Variants in ITPR1 observed in about 807,000 individuals in gnomAD.
ITPR1 encodes the protein inositol 1,4,5-trisphosphate-gated calcium channel ITPR1.
Under a neutral mutation model 318.4 loss-of-function variants are expected in ITPR1, and 96 were observed. The ratio of observed to expected loss-of-function variants is 0.30; its 90% CI spans 0.26 to 0.36. The LOEUF is 0.36. Ranked by LOEUF, ITPR1 falls within the 10% of genes least tolerant of loss-of-function variation. The pLI, the probability that ITPR1 is intolerant of heterozygous loss-of-function variation, is 1.00. For synonymous variants in ITPR1, 1,312 were observed against 1,289.9 expected (o/e 1.02, Z -0.37); for missense variants, 2,440 against 3,460.2 (o/e 0.71, Z 7.40).
chr3:4,616,784 G>A (rs762512969), intron 4 of ITPR1, among the ~76,000 whole-genome samples: 9 of 152,166 alleles, frequency 5.9e-5, no homozygotes, highest in Non-Finnish European at 1.2e-4. Flanking sequence ...CTCAAGGACA[G>A]GGTGTAGCAG....
At chr3:4,703,212 C>G (rs1036401616) in intron 36 of ITPR1, among the ~76,000 whole-genome samples, 1 of 152,210 alleles carries the variant, frequency 6.6e-6, no homozygotes, top group Admixed American at 6.5e-5. Context: ...TTAGGCAATT[C>G]TTTGGCAAGT....
intron 32 of ITPR1, among the ~76,000 whole-genome samples, chr3:4,692,117 G>A (rs1197388588): frequency 6.6e-6 from 1 of 151,270 alleles, no homozygotes; most frequent in Non-Finnish European, 1.5e-5. Flanking sequence ...ACTCCAGCCT[G>A]GGCAACAGAG....
intron 45 of ITPR1, 106 bp from the exon 46 acceptor site, chr3:4,768,405 G>T (rs763289775): frequency 1.5e-6 from 2 of 1,309,440 alleles, no homozygotes; most frequent in East Asian, 2.5e-5. Flanking sequence ...AACTTTGAAC[G>T]TCTCTAGGAG....
chr3:4,727,706 C>T (rs2042618901), intron 42 of ITPR1, among the ~76,000 whole-genome samples: 1 of 152,136 alleles, frequency 6.6e-6, no homozygotes, highest in South Asian at 2.1e-4. Context: ...TCCCGAGTAG[C>T]TGGGACCATA....
At position 4,779,689 on chromosome 3, in the gene ITPR1, C is replaced by T. The variant is rs148711783; in HGVS notation, c.6387+44C>T. 1,369 of 1,369,644 alleles carry T rather than the reference C, an allele frequency of 1.0e-3. 20 individuals are homozygous for T. In the South Asian group the frequency reaches 0.014, roughly 14 times the overall value. The allele number at this position is 1,369,644 out of a possible 1,614,324, so 84.8% of individuals were successfully genotyped here. A position where few individuals can be genotyped will look rare whatever the true frequency, so the allele number is the denominator to read the frequency against. On this transcript the variant is annotated intron_variant, in intron 49 of 61. Transcript: ENST00000649015. The surrounding 1 kb of genome is among the most constrained non-coding windows in gnomAD (Gnocchi z 4.0). The stretch of plus-strand genomic sequence containing the variant: ...CTGATGGTAGCACCAAGGAGCATTG[C>T]GACGATATTTGGGACAGAGCAGAGG...
At chr3:4,673,077 T>G in intron 20 of ITPR1, 59 bp from the exon 21 acceptor site, 1 of 1,551,064 alleles carries the variant, frequency 6.4e-7, no homozygotes, top group Non-Finnish European at 8.8e-7. Context: ...CAGACGACCC[T>G]TCATTCATCC....
chr3:4,721,107 G>GATATAT (rs138660344), intron 40 of ITPR1, among the ~76,000 whole-genome samples: 1 of 141,002 alleles, frequency 7.1e-6, no homozygotes, highest in Admixed American at 7.2e-5. Context: ...TCAGTGGAGG[G>GATATAT]ATATATATAT....
intron 2 of ITPR1, among the ~76,000 whole-genome samples, chr3:4,500,635 G>A (rs977192640): frequency 6.6e-6 from 1 of 152,138 alleles, no homozygotes; most frequent in African/African-American, 2.4e-5. Context: ...TTTCCAAAAT[G>A]CAATTGACCT....
chr3:4,610,030 G>C (rs1402892040), intron 4 of ITPR1, among the ~76,000 whole-genome samples: 1 of 152,148 alleles, frequency 6.6e-6, no homozygotes. Context: ...ATGGTGGGCT[G>C]TATCAAGAAG....
intron 53 of ITPR1, among the ~76,000 whole-genome samples, chr3:4,799,445 T>C (rs894884660): frequency 4.6e-5 from 7 of 152,038 alleles, no homozygotes; most frequent in African/African-American, 1.4e-4. Context: ...TCCGCAGGCG[T>C]GGACTCAATG....
intron 2 of ITPR1, among the ~76,000 whole-genome samples, chr3:4,501,100 G>A (rs1376470978): frequency 6.6e-6 from 1 of 151,720 alleles, no homozygotes; most frequent in Non-Finnish European, 1.5e-5. Flanking sequence ...AGGCTCAAAC[G>A]ATCCTCTCGC....
chr3:4,656,491 T>C (rs543790922), intron 12 of ITPR1, among the ~76,000 whole-genome samples: 10 of 152,312 alleles, frequency 6.6e-5, no homozygotes, highest in Admixed American at 2.0e-4. Context: ...ATAAAGGGTC[T>C]GGGGTTTGTG....
At chr3:4,536,065 T>C (rs1262026961) in intron 4 of ITPR1, among the ~76,000 whole-genome samples, 1 of 152,182 alleles carries the variant, frequency 6.6e-6, no homozygotes, top group Non-Finnish European at 1.5e-5. Flanking sequence ...GCTTCCAGAT[T>C]TTGTAATTTC....
In ITPR1 at chr3:4,503,136, C is replaced by A. The variant is rs1346814965; in HGVS notation, c.-17+8630C>A. ...TTATTGCAGAGGGTGACGTGAGGAC[C>A]ATGTAGAGATATTAAGCATTTCCTT... On this transcript the variant is annotated intron_variant, in intron 2 of 61. Transcript: ENST00000649015. Among the ~76,000 whole-genome samples the A allele has an allele frequency of 2.0e-5, 3 of 150,002 alleles. No individual in the cohort carries two copies. In the East Asian group the frequency reaches 5.9e-4, roughly 29 times the overall value.
At position 4,644,118 on chromosome 3, in the gene ITPR1, T is replaced by G; in HGVS notation, c.526-18T>G. 1 of 1,564,796 alleles carries G rather than the reference T, an allele frequency of 6.4e-7. No individual in the cohort carries two copies. On this transcript the variant is annotated intron_variant, in intron 7 of 61. Coordinates refer to ENST00000649015, the MANE Select transcript of ITPR1 (RefSeq NM_001378452.1). ...TTATCAGTTTTGTGCAAAGCTCTAT[T>G]GCTCCTTTCCATTCCAGGTGGTCAT... is the stretch of plus-strand genomic sequence containing the variant.
intron 4 of ITPR1, among the ~76,000 whole-genome samples, chr3:4,568,619 A>G (rs1296743259): frequency 6.6e-6 from 1 of 152,222 alleles, no homozygotes; most frequent in Admixed American, 6.5e-5. Context: ...CCAGGTAGAC[A>G]GAGGCACTCC....
At position 4,702,588 on chromosome 3, in the gene ITPR1, T is replaced by G. The variant is rs561329305; in HGVS notation, c.4537-242T>G. 5.3e-5 allele frequency among the ~76,000 whole-genome samples: 8 copies of G among 152,308 alleles called. 1 individual carries two copies. The highest frequency in any genetic ancestry group is 5.2e-4 in the Admixed American group (8 of 15,300). On this transcript the variant is annotated intron_variant, in intron 35 of 61. Coordinates refer to ENST00000649015, the MANE Select transcript of ITPR1 (RefSeq NM_001378452.1). ...GTGCTCAAACTTAGTTAAAATAGCA[T>G]CAAGTTAATGCATTGCCCTAAAATG... is the stretch of plus-strand genomic sequence containing the variant.
chr3:4,662,451 A>G (rs990359608), intron 15 of ITPR1, among the ~76,000 whole-genome samples: 11 of 152,174 alleles, frequency 7.2e-5, no homozygotes, highest in Admixed American at 2.0e-4. Flanking sequence ...GATCAGGTGT[A>G]GTGGCTCACA....
intron 40 of ITPR1, among the ~76,000 whole-genome samples, chr3:4,722,493 A>G (rs9311401): frequency 0.35 from 53,680 of 151,886 alleles, 10,382 homozygotes; most frequent in Non-Finnish European, 0.46. Flanking sequence ...CAATAAAAAT[A>G]TAATTCCATT....
Sources: allele counts gnomAD v4.1 joint callset (sites outside exome capture counted in the v4.1 genomes callset), GRCh38; gene constraint gnomAD v4.1.1; non-coding constraint Gnocchi (gnomAD v3.1); transcripts MANE v1.5; gene names NCBI Gene and HGNC (gene_info 2026-07-23, HGNC 2026-07-21).